RSPH14: variants seen among roughly 807,000 people sequenced by gnomAD.
RSPH14 encodes the protein radial spoke head 14 homolog.
A neutral mutation model predicts 26.7 loss-of-function variants in RSPH14; 20 were observed. The ratio of observed to expected loss-of-function variants is 0.75; its 90% CI spans 0.53 to 1.09. The LOEUF (loss-of-function observed/expected upper bound fraction) is 1.09, where lower values mean the gene tolerates loss of function less well. Among genes scored for constraint, RSPH14 ranks in the 50% least tolerant of loss-of-function variants. The pLI is 0.00. For missense variants in RSPH14, 449 were observed against 457.2 expected (o/e 0.98, Z 0.16); for synonymous variants, 177 against 189.3 (o/e 0.93, Z 0.53).
intron 4 of RSPH14, among the ~76,000 whole-genome samples, chr22:23,111,370 G>C (rs1443156995): frequency 6.6e-6 from 1 of 152,222 alleles, no homozygotes; most frequent in Admixed American, 6.5e-5. Context: ...AAGCGCACTG[G>C]ACTCGGTTCC....
chr22:23,179,346 C>CG, the RSPH14 span, among the ~76,000 whole-genome samples: 2 of 152,148 alleles, frequency 1.3e-5, no homozygotes, highest in African/African-American at 4.8e-5. Context: ...CCCAACCCAG[C>CG]GGGCTGGTTT....
intron 2 of RSPH14, among the ~76,000 whole-genome samples, chr22:23,139,660 T>C (rs1255333802): frequency 6.6e-6 from 1 of 152,162 alleles, no homozygotes; most frequent in Admixed American, 6.5e-5. Flanking sequence ...AAATCTAGCT[T>C]TATTTATTTA....
chr22:23,085,966 C>T (rs911391322), intron 4 of RSPH14, among the ~76,000 whole-genome samples: 4 of 152,258 alleles, frequency 2.6e-5, no homozygotes, highest in Non-Finnish European at 5.9e-5. Context: ...CGCTAATCCC[C>T]GCTGTTTAAG....
intron 4 of RSPH14, among the ~76,000 whole-genome samples, chr22:23,080,870 G>A (rs371073796): frequency 6.6e-6 from 1 of 152,180 alleles, no homozygotes; most frequent in South Asian, 2.1e-4. Context: ...TGGATTAATG[G>A]GTGCTCTCCC....
intron 4 of RSPH14, among the ~76,000 whole-genome samples, chr22:23,114,928 G>T (rs1371127860): frequency 6.6e-6 from 1 of 152,192 alleles, no homozygotes; most frequent in Non-Finnish European, 1.5e-5. Flanking sequence ...GGGCAGTGGG[G>T]ACTGCCATGA....
At chr22:23,082,478 C>T (rs1291969710) in intron 4 of RSPH14, among the ~76,000 whole-genome samples, 1 of 151,680 alleles carries the variant, frequency 6.6e-6, no homozygotes, top group Admixed American at 6.6e-5. Context: ...CTCAGCCTCC[C>T]AAAGTGCTGG....
At chr22:23,133,804 G>A (rs1269407436) in intron 4 of RSPH14, 1 of 420,152 alleles carries the variant, frequency 2.4e-6, no homozygotes, top group East Asian at 6.1e-5. Flanking sequence ...TGGCCAGGCT[G>A]GTGTCGAACT....
chr22:23,086,261 G>A (rs1027315212), intron 4 of RSPH14, among the ~76,000 whole-genome samples: 9 of 152,254 alleles, frequency 5.9e-5, no homozygotes, highest in Admixed American at 5.9e-4. Context: ...GGGCTTGGTG[G>A]GAGCAGAGGC....
chr22:23,133,436 TG>T (rs1474340633), intron 4 of RSPH14, among the ~76,000 whole-genome samples: 1 of 152,220 alleles, frequency 6.6e-6, no homozygotes, highest in African/African-American at 2.4e-5. Flanking sequence ...CATTTATCAT[TG>T]GTAAGGGTAA....
intron 4 of RSPH14, among the ~76,000 whole-genome samples, chr22:23,078,445 T>A (rs2068570469): frequency 6.6e-6 from 1 of 152,254 alleles, no homozygotes; most frequent in East Asian, 1.9e-4. Flanking sequence ...CCCCCAACAC[T>A]GCCCACCTCC....
intron 4 of RSPH14, among the ~76,000 whole-genome samples, chr22:23,090,921 C>T (rs961887867): frequency 2.6e-5 from 4 of 152,210 alleles, no homozygotes; most frequent in African/African-American, 9.7e-5. Flanking sequence ...GTGCCAGAAT[C>T]AAAGCCATGG....
rs2068372304 is a variant in RSPH14, at chr22:23,071,438, A to G, written c.422-7305T>C. Among the ~76,000 whole-genome samples the G allele has an allele frequency of 1.3e-5, 2 of 152,200 alleles. No individual in the cohort carries two copies. Among genetic ancestry groups the G allele is most frequent in the South Asian group, 2.1e-4 (1 of 4,832 alleles). ...GTTGGGGTGGAGGGACCCGCCTGGTAGAGAGGTCTGTCTTGCTTGGGGAGA... is the reference window on the plus strand; with the variant it reads ...GTTGGGGTGGAGGGACCCGCCTGGTGGAGAGGTCTGTCTTGCTTGGGGAGA... On this transcript the variant is annotated intron_variant, in intron 4 of 6. Transcript: ENST00000216036. This position sits in a 1 kb window ranked among gnomAD's most constrained non-coding sequence, Gnocchi z 4.1.
At chr22:23,077,993 T>C (rs2068553201) in intron 4 of RSPH14, among the ~76,000 whole-genome samples, 1 of 152,186 alleles carries the variant, frequency 6.6e-6, no homozygotes, top group Non-Finnish European at 1.5e-5. Context: ...CTGCATGGCA[T>C]GTCCCTCTGG....
At chr22:23,143,779 G>C (rs897267932), upstream of RSPH14, among the ~76,000 whole-genome samples, 3 of 152,190 alleles carry the variant, frequency 2.0e-5, no homozygotes, top group African/African-American at 4.8e-5. Context: ...TCTAGGCAAA[G>C]AGCCCACTTA....
intron 4 of RSPH14, among the ~76,000 whole-genome samples, chr22:23,082,094 C>T (rs1253882345): frequency 6.8e-6 from 1 of 146,496 alleles, no homozygotes; most frequent in Admixed American, 6.8e-5. Flanking sequence ...CGCTGCACTC[C>T]AGCCTGGGCG....
intron 4 of RSPH14, among the ~76,000 whole-genome samples, chr22:23,068,633 G>C (rs2068265180): frequency 6.6e-6 from 1 of 152,236 alleles, no homozygotes. Context: ...CCATCTCACT[G>C]TTGCATGTGG....
chr22:23,158,959 G>A, the RSPH14 span: 12 of 1,614,204 alleles, frequency 7.4e-6, no homozygotes, highest in Non-Finnish European at 8.5e-6. Context: ...CTTCCTCGTG[G>A]GAACCAAGAA....
chr22:23,100,887 T>A (rs2069283256), intron 4 of RSPH14, among the ~76,000 whole-genome samples: 3 of 152,172 alleles, frequency 2.0e-5, no homozygotes, highest in Admixed American at 2.0e-4. Context: ...CCCAAGGCCG[T>A]CCTGTGAACA....
intron 3 of RSPH14, among the ~76,000 whole-genome samples, chr22:23,135,078 G>A (rs1486170378): frequency 1.3e-5 from 2 of 152,052 alleles, no homozygotes; most frequent in Admixed American, 6.6e-5. Flanking sequence ...GGCTAAGGTG[G>A]GAGGATCGTT....
Sources: allele counts gnomAD v4.1 joint callset (sites outside exome capture counted in the v4.1 genomes callset), GRCh38; gene constraint gnomAD v4.1.1; non-coding constraint Gnocchi (gnomAD v3.1); transcripts MANE v1.5; gene names NCBI Gene and HGNC (gene_info 2026-07-23, HGNC 2026-07-21).